MYO3A: variants seen among roughly 807,000 people sequenced by gnomAD.
MYO3A encodes myosin-IIIa.
In MYO3A, 180 loss-of-function variants were observed where a neutral mutation model predicts 192.7. The observed-to-expected ratio is 0.93, with a 90% CI of 0.83 to 1.06. The LOEUF (loss-of-function observed/expected upper bound fraction) is 1.06. Among genes scored for constraint, MYO3A ranks in the 50% least tolerant of loss-of-function variants. The pLI, the probability that MYO3A is intolerant of heterozygous loss-of-function variation, is 0.00. For missense variants in MYO3A, 1,896 were observed against 1,905.0 expected, an observed-to-expected ratio of 1.00 and a Z score of 0.09; for synonymous variants, 628 against 645.3, an observed-to-expected ratio of 0.97 and a Z score of 0.41.
intron 20 of MYO3A, among the ~76,000 whole-genome samples, chr10:26,138,108 T>C (rs1420576046): frequency 6.6e-6 from 1 of 152,232 alleles, no homozygotes; most frequent in Non-Finnish European, 1.5e-5. Context: ...ATGTGATCTT[T>C]GTGACCTACT....
intron 14 of MYO3A, among the ~76,000 whole-genome samples, chr10:26,086,845 A>C (rs1836357124): frequency 6.6e-6 from 1 of 152,230 alleles, no homozygotes; most frequent in South Asian, 2.1e-4. Context: ...GGTCTTTGCT[A>C]TTCTGTCCTG....
intron 2 of MYO3A, among the ~76,000 whole-genome samples, chr10:25,941,177 G>A (rs1398842486): frequency 1.3e-5 from 2 of 152,130 alleles, no homozygotes; most frequent in Non-Finnish European, 1.5e-5. Context: ...GTTAACAGTA[G>A]CAAAAGACTG....
intron 2 of MYO3A, among the ~76,000 whole-genome samples, chr10:25,951,610 G>A (rs1381609161): frequency 1.3e-5 from 2 of 152,162 alleles, no homozygotes; most frequent in Non-Finnish European, 2.9e-5. Context: ...GGTAGGTTAT[G>A]TTAAGGAAAT....
chr10:26,065,381 C>T (rs1188906475), intron 10 of MYO3A, among the ~76,000 whole-genome samples: 1 of 151,842 alleles, frequency 6.6e-6, no homozygotes, highest in Non-Finnish European at 1.5e-5. Context: ...GTCAGAAGTT[C>T]GAGACCAGCC....
intron 6 of MYO3A, among the ~76,000 whole-genome samples, chr10:25,998,930 C>A (rs1305174875): frequency 6.6e-6 from 1 of 152,158 alleles, no homozygotes; most frequent in Non-Finnish European, 1.5e-5. Context: ...TGGAGTCTCA[C>A]TCTGTCGCCC....
intron 23 of MYO3A, among the ~76,000 whole-genome samples, chr10:26,151,255 A>G (rs1840773205): frequency 1.3e-5 from 2 of 152,078 alleles, no homozygotes; most frequent in Non-Finnish European, 2.9e-5. Context: ...GGTTCTATCA[A>G]TTACTGAGAG....
chr10:26,149,007 A>G (rs1840633210), intron 23 of MYO3A, among the ~76,000 whole-genome samples: 1 of 152,052 alleles, frequency 6.6e-6, no homozygotes, highest in Non-Finnish European at 1.5e-5. Flanking sequence ...TCACAATGCA[A>G]TCACCAGTGT....
At chr10:26,072,635 G>C (rs754841317) in intron 14 of MYO3A, among the ~76,000 whole-genome samples, 2 of 151,756 alleles carry the variant, frequency 1.3e-5, no homozygotes, top group Non-Finnish European at 2.9e-5. Flanking sequence ...CATCAGGAGG[G>C]AACTCAGATA....
intron 10 of MYO3A, among the ~76,000 whole-genome samples, chr10:26,050,865 G>A (rs1346194825): frequency 6.6e-6 from 1 of 152,146 alleles, no homozygotes; most frequent in African/African-American, 2.4e-5. Flanking sequence ...CTTAAAATTT[G>A]CTAACAGACT....
At chr10:25,984,183 A>G (rs556800057) in intron 4 of MYO3A, among the ~76,000 whole-genome samples, 16 of 152,352 alleles carry the variant, frequency 1.1e-4, no homozygotes, top group Non-Finnish European at 2.2e-4. Context: ...CACAGAACCT[A>G]TATAACAATA....
At position 26,021,978 on chromosome 10, in the gene MYO3A, GT is replaced by G. The variant is rs1842331727; in HGVS notation, c.731+334del. On this transcript the variant is annotated intron_variant, in intron 8 of 34. Transcript: ENST00000642920. ...ATCAGAGTCCATAGCCTGTGCAAGT[GT>G]TTTGCTTTGCTTTACCTACCAATCT... 5 of 255,426 alleles carry G rather than the reference GT, an allele frequency of 2.0e-5. No individual in the cohort carries two copies. In the Admixed American group the frequency reaches 2.5e-4, roughly 13 times the overall value. 15.8% of individuals were successfully genotyped at this position (255,426 alleles called of 1,614,324 possible). A position where few individuals can be genotyped will look rare whatever the true frequency, so the allele number is the denominator to read the frequency against.
intron 12 of MYO3A, among the ~76,000 whole-genome samples, chr10:26,069,742 T>C (rs983523670): frequency 5.3e-5 from 8 of 152,056 alleles, no homozygotes; most frequent in African/African-American, 1.9e-4. Context: ...TGTGAGACAT[T>C]ATTATGTCCA....
At chr10:26,185,507 A>AT (rs1442287330) in intron 31 of MYO3A, among the ~76,000 whole-genome samples, 16 of 150,966 alleles carry the variant, frequency 1.1e-4, no homozygotes, top group Admixed American at 6.6e-5. Flanking sequence ...GCCCGGCTAA[A>AT]TTTTGTATTT....
chr10:26,077,233 G>GTTTTTTTTTCTT (rs1835634548), intron 14 of MYO3A, among the ~76,000 whole-genome samples: 1 of 36,284 alleles, frequency 2.8e-5, no homozygotes, highest in Non-Finnish European at 5.3e-5. Flanking sequence ...TATTCCTAAG[G>GTTTTTTTTTCTT]TTTTTTTTTT....
At chr10:26,085,872 C>T (rs1028285418) in intron 14 of MYO3A, among the ~76,000 whole-genome samples, 3 of 152,218 alleles carry the variant, frequency 2.0e-5, no homozygotes, top group Non-Finnish European at 4.4e-5. Context: ...CTGATCCCCA[C>T]TTGGGGCATG....
At chr10:25,987,836 C>A (rs1309948526) in intron 4 of MYO3A, among the ~76,000 whole-genome samples, 1 of 151,952 alleles carries the variant, frequency 6.6e-6, no homozygotes, top group African/African-American at 2.4e-5. Context: ...TTTGATCCAG[C>A]AATCCCACTA....
intron 4 of MYO3A, among the ~76,000 whole-genome samples, chr10:25,994,303 A>G (rs1840272996): frequency 6.6e-6 from 1 of 152,224 alleles, no homozygotes; most frequent in African/African-American, 2.4e-5. Context: ...TTGTTGGTTT[A>G]AAGTCTGTTT....
At chr10:25,987,901 C>T (rs1839753078) in intron 4 of MYO3A, among the ~76,000 whole-genome samples, 1 of 152,114 alleles carries the variant, frequency 6.6e-6, no homozygotes, top group Admixed American at 6.6e-5. Context: ...TATTTGTACA[C>T]ACATGTTCAT....
intron 14 of MYO3A, among the ~76,000 whole-genome samples, chr10:26,080,088 A>C (rs1043921941): frequency 1.1e-4 from 17 of 152,146 alleles, no homozygotes; most frequent in African/African-American, 3.9e-4. Context: ...AGGACAGGGA[A>C]ATTTTCCTTG....
Sources: allele counts gnomAD v4.1 joint callset (sites outside exome capture counted in the v4.1 genomes callset), GRCh38; gene constraint gnomAD v4.1.1; transcripts MANE v1.5; gene names NCBI Gene and HGNC (gene_info 2026-07-23, HGNC 2026-07-21).